The following CCDC88C variants were observed in gnomAD, a reference collection of about 807,000 sequenced individuals.
CCDC88C encodes the protein protein Daple.
A neutral mutation model predicts 198.8 loss-of-function variants in CCDC88C; 131 were observed. That is an observed-to-expected ratio of 0.66 (90% CI 0.57 to 0.76). CCDC88C has a LOEUF of 0.76. Ranked by LOEUF, CCDC88C falls within the 30% of genes least tolerant of loss-of-function variation. The probability of loss-of-function intolerance (pLI) is 0.00; values close to 1 mark genes in which losing one functional copy is unlikely to be tolerated. For synonymous variants in CCDC88C, 1,166 were observed against 1,114.7 expected, an observed-to-expected ratio of 1.05 and a Z score of -0.92; for missense variants, 2,553 against 2,631.6, an observed-to-expected ratio of 0.97 and a Z score of 0.65.
At chr14:91,328,088 A>G (rs978466677) in intron 10 of CCDC88C, among the ~76,000 whole-genome samples, 1 of 152,174 alleles carries the variant, frequency 6.6e-6, no homozygotes, top group Non-Finnish European at 1.5e-5. Flanking sequence ...GTTCAATAAC[A>G]CTACTTGGCC....
chr14:91,300,049 G>A lies in CCDC88C; in HGVS notation c.3657C>T (p.Arg1219=), dbSNP rs201969326. The change falls in exon 21 of 30, where the codon CGC becomes CGT. Residue 1219 remains arginine, a synonymous_variant. Transcript: ENST00000389857. Reference sequence around the variant, plus strand: ...TCTCCCGCTCCTCCAGCTCCGCCTTGCGCTTCAGCATGTCACCGTGCCTGT... The same window carrying A: ...TCTCCCGCTCCTCCAGCTCCGCCTTACGCTTCAGCATGTCACCGTGCCTGT... The part of the protein sequence containing the change: ...LGERHGDMLK[R]KAELEEREKV... 418 of 1,608,224 alleles carry A rather than the reference G, an allele frequency of 2.6e-4. No individual in the cohort carries two copies. Among genetic ancestry groups the A allele is most frequent in the Non-Finnish European group, 5.0e-5 (59 of 1,177,696 alleles).
rs759629362 is a variant in CCDC88C, at chr14:91,278,044, C to G, written c.4936G>C (p.Ala1646Pro). Residue 1646 changes from alanine (A) to proline (P), a missense_variant, in exon 29 of 30, where the codon GCC (alanine) becomes CCC (proline). Physicochemically the swap from Ala to Pro is conservative, Grantham distance 27. Transcript: ENST00000389857. ...PRNGPLPQEG[A>P]QKRGTAPPYV... ...GGAGGGGCTGTGCCCCTCTTCTGGG[C>G]ACCCTCCTGTGGGAGAGGCCCGTTC... The G allele has an allele frequency of 1.8e-5, 29 of 1,607,992 alleles. No homozygotes were observed. Among genetic ancestry groups the G allele is most frequent in the Middle Eastern group, 1.6e-4 (1 of 6,074 alleles).
chr14:91,277,842 CT>C, intron 29 of CCDC88C, 79 bp downstream of exon 29: 1 of 1,421,830 alleles, frequency 7.0e-7, no homozygotes, highest in Non-Finnish European at 9.3e-7. Flanking sequence ...CCACCCCATC[CT>C]TTCTGCAGCT....
At chr14:91,361,112 G>T (rs1302878311) in intron 3 of CCDC88C, among the ~76,000 whole-genome samples, 1 of 144,072 alleles carries the variant, frequency 6.9e-6, no homozygotes, top group East Asian at 2.0e-4. Flanking sequence ...CCTGGGTGAC[G>T]AGTAAAACCC....
Position 91,309,977 on chromosome 14 carries a change from G to A in CCDC88C, c.2746C>T (p.Leu916Phe). 1 of 1,598,040 alleles carries A rather than the reference G, an allele frequency of 6.3e-7. No individual in the cohort carries two copies. The highest frequency in any genetic ancestry group is 8.5e-7 in the Non-Finnish European group (1 of 1,172,618). ...TLTTLREDLV[L>F]EKLKSQQLSS... ...AGCTGCTGGCTCTTCAGCTTCTCGA[G>A]CACCAGGTCCTGGAATGATGGGGAG... Residue 916 changes from leucine (L) to phenylalanine (F), a missense_variant, in exon 16 of 30, where the codon CTC becomes TTC. Leu to Phe is a conservative substitution (Grantham distance 22, BLOSUM62 0). Coordinates refer to ENST00000389857, the MANE Select transcript of CCDC88C (RefSeq NM_001080414.4).
At chr14:91,305,989 G>T in intron 18 of CCDC88C, 63 bp from the exon 19 acceptor site, 1 of 1,552,510 alleles carries the variant, frequency 6.4e-7, no homozygotes, top group Non-Finnish European at 8.8e-7. Context: ...CTGGCCACAG[G>T]TACTTGGGTT....
intron 20 of CCDC88C, among the ~76,000 whole-genome samples, chr14:91,300,914 T>C (rs1195180888): frequency 5.3e-5 from 8 of 152,166 alleles, no homozygotes; most frequent in Admixed American, 2.6e-4. Context: ...ATCTTTCCCA[T>C]TCAGGCAAAT....
intron 29 of CCDC88C, among the ~76,000 whole-genome samples, chr14:91,277,221 G>T (rs1156904457): frequency 6.6e-6 from 1 of 152,126 alleles, no homozygotes; most frequent in South Asian, 2.1e-4. Context: ...AGAGATGGTG[G>T]CCAGGCTGGT....
intron 15 of CCDC88C, among the ~76,000 whole-genome samples, chr14:91,310,498 G>C (rs559775698): frequency 1.3e-5 from 2 of 152,160 alleles, no homozygotes; most frequent in African/African-American, 4.8e-5. Context: ...CTGCAGCCTT[G>C]AACTCCTGGC....
In CCDC88C at chr14:91,408,636, CCCGA is replaced by C. The variant is rs779085384; in HGVS notation, c.270+19_270+22del. Reference sequence around the variant, plus strand: ...ATACTGATGGACACACATCAGAATTCCCGACAGCAGAACTGCCCTTACCTGGTAG... The same window carrying C: ...ATACTGATGGACACACATCAGAATTCCAGCAGAACTGCCCTTACCTGGTAG... On this transcript the variant is annotated intron_variant, in intron 3 of 29. Coordinates refer to ENST00000389857, the MANE Select transcript of CCDC88C (RefSeq NM_001080414.4). 1 of 1,437,568 alleles carries C rather than the reference CCCGA, an allele frequency of 7.0e-7. No individual in the cohort carries two copies. The highest frequency in any genetic ancestry group is 9.8e-7 in the Non-Finnish European group (1 of 1,020,072). The allele number at this position is 1,437,568 out of a possible 1,614,324, so 89.1% of individuals were successfully genotyped here.
At chr14:91,359,850 G>A (rs1401362908) in intron 3 of CCDC88C, 139 bp from the exon 4 acceptor site, 2 of 721,980 alleles carry the variant, frequency 2.8e-6, no homozygotes, top group Non-Finnish European at 5.0e-6. Flanking sequence ...TAAAATGACA[G>A]CAAGGAGCAC....
chr14:91,375,655 G>A lies in CCDC88C; in HGVS notation c.271-15944C>T, dbSNP rs1299344901. 7.2e-5 allele frequency among the ~76,000 whole-genome samples: 11 copies of A among 152,282 alleles called. No homozygotes were observed. The East Asian group carries it at 2.1e-3, about 30-fold the overall frequency. ...CAGGCAAATAAAAGCACCCTCACCA[G>A]CTGTTCCCATGGCCAAGCCAAGCAG... is the stretch of plus-strand genomic sequence containing the variant. On this transcript the variant is annotated intron_variant, in intron 3 of 29. Transcript: ENST00000389857.
chr14:91,401,439 A>G (rs1192136952), intron 3 of CCDC88C, among the ~76,000 whole-genome samples: 1 of 150,760 alleles, frequency 6.6e-6, no homozygotes, highest in Non-Finnish European at 1.5e-5. Flanking sequence ...GGATCACGCC[A>G]TTCTCCTGCC....
At position 91,278,017 on chromosome 14, in the gene CCDC88C, A is replaced by G. The variant is rs760826855; in HGVS notation, c.4963T>C (p.Tyr1655His). The change falls in exon 29 of 30, where the codon TAC (tyrosine) becomes CAC (histidine). Residue 1655 changes from tyrosine to histidine, a missense_variant. Around this residue, in one of 2 missense-constraint regions of CCDC88C, gnomAD observed 1,293 missense variants for 1,219.6 expected, o/e 1.06. Coordinates refer to ENST00000389857, the MANE Select transcript of CCDC88C (RefSeq NM_001080414.4). ...GCCGAGCAGGGCCGCACTCCGACGT[A>G]GGGAGGGGCTGTGCCCCTCTTCTGG... ...GAQKRGTAPPYVGVRPCSASP... is the reference protein window; with the variant it reads ...GAQKRGTAPPHVGVRPCSASP... 1.9e-6 allele frequency: 3 copies of G among 1,598,144 alleles called. No individual in the cohort carries two copies. Among genetic ancestry groups the G allele is most frequent in the Non-Finnish European group, 2.6e-6 (3 of 1,172,246 alleles).
At chr14:91,370,948 C>T in intron 3 of CCDC88C, among the ~76,000 whole-genome samples, 1 of 152,214 alleles carries the variant, frequency 6.6e-6, no homozygotes, top group Non-Finnish European at 1.5e-5. Flanking sequence ...TTATGCCATA[C>T]CAAGAAGCTT....
chr14:91,367,803 G>A (rs1403339818), intron 3 of CCDC88C, among the ~76,000 whole-genome samples: 1 of 152,080 alleles, frequency 6.6e-6, no homozygotes, highest in Non-Finnish European at 1.5e-5. Flanking sequence ...GCATCAAACT[G>A]AACTACCAAC....
At chr14:91,297,228 C>G (rs144427357) in intron 22 of CCDC88C, 77 bp downstream of exon 22, 23,937 of 1,450,876 alleles carry the variant, frequency 0.016, 281 homozygotes, top group Middle Eastern at 0.023. Flanking sequence ...GGACCCCTCA[C>G]AGCTTGGCTG....
In CCDC88C at chr14:91,321,374, G is replaced by A. The variant is rs186650423; in HGVS notation, c.1343-70C>T. The A allele has an allele frequency of 4.4e-5, 66 of 1,486,506 alleles. No homozygotes were observed. In the Admixed American group the frequency reaches 4.9e-4, roughly 11 times the overall value. 92.1% of individuals were successfully genotyped at this position (1,486,506 alleles called of 1,614,324 possible). ...ACTTCCACTCTCTGCCCCAAGCTCC[G>A]AGATGGTCATCAGTCCCGGAGTCCA... On this transcript the variant is annotated intron_variant, in intron 12 of 29. Transcript: ENST00000389857.
Position 91,294,257 on chromosome 14 carries a change from TG to T in CCDC88C, c.4027del (p.Gln1343SerfsTer3). The T allele has an allele frequency of 6.2e-7, 1 of 1,614,002 alleles. No homozygotes were observed. Among genetic ancestry groups the T allele is most frequent in the Non-Finnish European group, 8.5e-7 (1 of 1,179,848 alleles). On this transcript the variant is annotated frameshift_variant, in exon 23 of 30. Transcript: ENST00000389857. LOFTEE classifies it high-confidence loss of function. ...EENHHLLSQI[Q>X]LLSQQNQMLL... ...CATCTGGTTCTGCTGGCTCAACAGCTGGATCTGGCTCAGGAGGTGATGATTT... is the reference window on the plus strand; with the variant it reads ...CATCTGGTTCTGCTGGCTCAACAGCTGATCTGGCTCAGGAGGTGATGATTT...
Sources: gnomAD v4.1 joint callset for allele counts (sites outside exome capture counted in the v4.1 genomes callset) on GRCh38, gnomAD v4.1.1 for gene constraint, gnomAD v4.1.1 regional missense constraint, MANE v1.5 for transcripts, NCBI Gene and HGNC (gene_info 2026-07-23, HGNC 2026-07-21) for gene names.